The following TBC1D4 variants were observed in gnomAD, a reference collection of about 807,000 sequenced individuals.
TBC1D4 encodes TBC1 domain family member 4.
A neutral mutation model predicts 142.5 loss-of-function variants in TBC1D4; 121 were observed. That is an observed-to-expected ratio of 0.85 (90% CI 0.73 to 0.99). The LOEUF (loss-of-function observed/expected upper bound fraction) is 0.99, where lower values mean the gene tolerates loss of function less well. TBC1D4 is among the 50% of genes least tolerant of loss of function. TBC1D4 has a pLI of 0.00. For synonymous variants in TBC1D4, 630 were observed against 628.2 expected (o/e 1.00, Z -0.04); for missense variants, 1,475 against 1,606.6 (o/e 0.92, Z 1.40).
intron 11 of TBC1D4, among the ~76,000 whole-genome samples, chr13:75,322,695 ACATAACAATAAGAAAAT>A (rs1878874028): frequency 6.6e-6 from 1 of 152,168 alleles, no homozygotes; most frequent in South Asian, 2.1e-4. Context: ...ACTTTAACAA[ACATAACAATAAGAAAAT>A]GCAAATAGGT....
intron 1 of TBC1D4, among the ~76,000 whole-genome samples, chr13:75,472,711 T>C (rs1466330805): frequency 6.6e-6 from 1 of 152,218 alleles, no homozygotes; most frequent in South Asian, 2.1e-4. Flanking sequence ...TGTAAAGAGT[T>C]AGGCAACAAG....
intron 1 of TBC1D4, among the ~76,000 whole-genome samples, chr13:75,458,183 G>A (rs1001104681): frequency 1.3e-5 from 2 of 152,052 alleles, no homozygotes; most frequent in Non-Finnish European, 2.9e-5. Context: ...TTTATTGAGT[G>A]GTGCAGGTGG....
Position 75,333,596 on chromosome 13 carries a change from C to G in TBC1D4, c.1731+3325G>C, listed in dbSNP as rs1879946675. 1.3e-5 allele frequency among the ~76,000 whole-genome samples: 2 copies of G among 152,158 alleles called. 1 individual carries two copies. The highest frequency in any genetic ancestry group is 1.3e-4 in the Admixed American group (2 of 15,262). ...TATAAAGCTCCACCACCCTGAAATA[C>G]TTTACTGTGTATTTTCTATAAAAAA... On this transcript the variant is annotated intron_variant, in intron 8 of 20. Coordinates refer to ENST00000377636, the MANE Select transcript of TBC1D4 (RefSeq NM_014832.5).
intron 1 of TBC1D4, among the ~76,000 whole-genome samples, chr13:75,372,255 T>C (rs894800934): frequency 7.1e-6 from 1 of 141,262 alleles, no homozygotes; most frequent in Non-Finnish European, 1.5e-5. Context: ...ATAAAATTAG[T>C]CCTATTATTT....
In TBC1D4 at chr13:75,481,911, C is replaced by G. The variant is rs1888909039; in HGVS notation, c.-144G>C. On this transcript the variant is annotated 5_prime_UTR_variant, in exon 1 of 21. Coordinates refer to ENST00000377636, the MANE Select transcript of TBC1D4 (RefSeq NM_014832.5). ...GGGAGCGGCGCGACCCCGAACTCCGCGCTTCAGCAGCCCTGCCCCATGCAG... is the reference window on the plus strand; with the variant it reads ...GGGAGCGGCGCGACCCCGAACTCCGGGCTTCAGCAGCCCTGCCCCATGCAG... 1.6e-6 allele frequency: 2 copies of G among 1,237,152 alleles called. No homozygotes were observed. The highest frequency in any genetic ancestry group is 7.7e-5 in the Admixed American group (2 of 25,900). 76.6% of individuals were successfully genotyped at this position (1,237,152 alleles called of 1,614,324 possible).
chr13:75,357,847 G>T (rs9530423), intron 3 of TBC1D4, among the ~76,000 whole-genome samples: 84,577 of 151,978 alleles, frequency 0.56, 26,009 homozygotes, highest in South Asian at 0.8. Context: ...TGAAAGGCAG[G>T]GCTTTCCACA....
intron 1 of TBC1D4, among the ~76,000 whole-genome samples, chr13:75,428,360 T>C (rs1276332032): frequency 6.6e-6 from 1 of 152,318 alleles, no homozygotes; most frequent in Admixed American, 6.5e-5. Flanking sequence ...ACCTGGGCAA[T>C]GTTCATGTTT....
Position 75,415,716 on chromosome 13 carries a change from G to A in TBC1D4, c.499-53109C>T, listed in dbSNP as rs147530889. Reference sequence around the variant, plus strand: ...ATTTCTTGAAATCGGAGACATAAAGGGTGAGCTGTATTTAAGGGAAAACTT... The same window carrying A: ...ATTTCTTGAAATCGGAGACATAAAGAGTGAGCTGTATTTAAGGGAAAACTT... On this transcript the variant is annotated intron_variant, in intron 1 of 20. Coordinates refer to ENST00000377636, the MANE Select transcript of TBC1D4 (RefSeq NM_014832.5). Among the ~76,000 whole-genome samples, 1,184 of 152,242 alleles carry A rather than the reference G, an allele frequency of 7.8e-3. 15 individuals carry two copies. Among genetic ancestry groups the A allele is most frequent in the African/African-American group, 0.026 (1,088 of 41,532 alleles).
chr13:75,369,054 G>A (rs9543912), intron 1 of TBC1D4, among the ~76,000 whole-genome samples: 151,770 of 152,212 alleles, frequency 1, 75,666 homozygotes, highest in Middle Eastern at 1. Flanking sequence ...AAAAAAAAAA[G>A]AGAGAAAAAA....
intron 1 of TBC1D4, among the ~76,000 whole-genome samples, chr13:75,434,464 T>C (rs745586416): frequency 2.6e-4 from 40 of 151,890 alleles, no homozygotes; most frequent in Middle Eastern, 3.4e-3. Flanking sequence ...TGATAAGAAC[T>C]TAGGAACACA....
intron 1 of TBC1D4, among the ~76,000 whole-genome samples, chr13:75,402,562 AT>A (rs1005023519): frequency 2.6e-5 from 4 of 152,008 alleles, no homozygotes; most frequent in African/African-American, 9.7e-5. Context: ...TTAAAAGATC[AT>A]TTGTCTACCC....
At chr13:75,318,722 T>A (rs192151609) in intron 12 of TBC1D4, among the ~76,000 whole-genome samples, 1 of 152,192 alleles carries the variant, frequency 6.6e-6, no homozygotes, top group Non-Finnish European at 1.5e-5. Context: ...TGGAAATCAA[T>A]ATATAGTATT....
At chr13:75,398,008 C>T (rs578210820) in intron 1 of TBC1D4, among the ~76,000 whole-genome samples, 73 of 152,266 alleles carry the variant, frequency 4.8e-4, no homozygotes, top group African/African-American at 1.7e-3. Context: ...AAGACCACCA[C>T]GCTGTGAGGA....
At chr13:75,473,887 A>C (rs1436630536) in intron 1 of TBC1D4, among the ~76,000 whole-genome samples, 1 of 152,210 alleles carries the variant, frequency 6.6e-6, no homozygotes, top group Admixed American at 6.5e-5. Context: ...AATAAATTCA[A>C]ATTCATGGTT....
At chr13:75,456,294 A>C (rs1211505225) in intron 1 of TBC1D4, among the ~76,000 whole-genome samples, 1 of 152,232 alleles carries the variant, frequency 6.6e-6, no homozygotes, top group Non-Finnish European at 1.5e-5. Flanking sequence ...CCTAGAAAGG[A>C]TACAAAAGCA....
chr13:75,388,705 T>C (rs1292395792), intron 1 of TBC1D4, among the ~76,000 whole-genome samples: 1 of 152,210 alleles, frequency 6.6e-6, no homozygotes, highest in Non-Finnish European at 1.5e-5. Context: ...CAAAATACTT[T>C]TGACTTGCTG....
At chr13:75,308,957 T>G (rs998668903) in intron 14 of TBC1D4, among the ~76,000 whole-genome samples, 7 of 152,186 alleles carry the variant, frequency 4.6e-5, no homozygotes, top group African/African-American at 1.7e-4. Flanking sequence ...ATAGGTGTAG[T>G]AACAAGAATC....
Position 75,286,517 on chromosome 13 carries a change from C to T in TBC1D4, c.*275G>A, listed in dbSNP as rs1036737848. 7 of 316,388 alleles carry T rather than the reference C, an allele frequency of 2.2e-5. No individual in the cohort carries two copies. Among genetic ancestry groups the T allele is most frequent in the Admixed American group, 8.9e-5 (2 of 22,502 alleles). 19.6% of individuals were successfully genotyped at this position (316,388 alleles called of 1,614,324 possible). A position where few individuals can be genotyped will look rare whatever the true frequency, so the allele number is the denominator to read the frequency against. ...GACTAAAAAAATTAATCTAAATATA[C>T]ATCTACTCATTTTATCTGAAAGCAT... On this transcript the variant is annotated 3_prime_UTR_variant, in exon 21 of 21. Transcript: ENST00000377636.
intron 8 of TBC1D4, 140 bp from the exon 9 acceptor site, chr13:75,327,966 T>C: frequency 1.3e-6 from 1 of 796,526 alleles, no homozygotes; most frequent in South Asian, 1.4e-5. Flanking sequence ...TTGGCTTTAT[T>C]AATAGTCATT....
Sources: allele counts gnomAD v4.1 joint callset (sites outside exome capture counted in the v4.1 genomes callset), GRCh38; gene constraint gnomAD v4.1.1; transcripts MANE v1.5; gene names NCBI Gene and HGNC (gene_info 2026-07-23, HGNC 2026-07-21).